The following SOX6 variants were observed in gnomAD, a reference collection of about 807,000 sequenced individuals.
The protein encoded by SOX6 is transcription factor SOX-6.
Under a neutral mutation model 97.8 loss-of-function variants are expected in SOX6, and 11 were observed. The ratio of observed to expected loss-of-function variants is 0.11; its 90% CI spans 0.07 to 0.19. The LOEUF is 0.19. SOX6 is among the 10% of genes least tolerant of loss of function. The pLI is 1.00. For missense variants in SOX6, 810 were observed against 1,039.5 expected, an observed-to-expected ratio of 0.78 and a Z score of 3.04; for synonymous variants, 360 against 371.4, an observed-to-expected ratio of 0.97 and a Z score of 0.35.
intron 4 of SOX6, among the ~76,000 whole-genome samples, chr11:16,560,408 T>C: frequency 6.7e-6 from 1 of 150,214 alleles, no homozygotes; most frequent in East Asian, 1.9e-4. Context: ...TGTAAATATA[T>C]ACATATATAC....
chr11:16,738,433 A>G (rs1590070687), exon 1 of SOX6: 1 of 390,570 alleles, frequency 2.6e-6, no homozygotes, highest in African/African-American at 2.0e-5. Context: ...ACCGCCATAC[A>G]CATCCGCGGG....
intron 3 of SOX6, among the ~76,000 whole-genome samples, chr11:16,254,988 AG>A (rs1199939170): frequency 2.0e-5 from 3 of 152,118 alleles, no homozygotes; most frequent in African/African-American, 7.2e-5. Context: ...AATAAGACAA[AG>A]CAGACTTCAG....
At chr11:15,984,971 TAC>T (rs1176849319) in intron 15 of SOX6, among the ~76,000 whole-genome samples, 2 of 152,220 alleles carry the variant, frequency 1.3e-5, no homozygotes, top group Non-Finnish European at 2.9e-5. Flanking sequence ...CATTTCATTT[TAC>T]ACATGAGAAA....
intron 4 of SOX6, among the ~76,000 whole-genome samples, chr11:16,497,638 GA>G: frequency 6.6e-6 from 1 of 152,328 alleles, no homozygotes; most frequent in Middle Eastern, 3.4e-3. Context: ...TGACAGAGCT[GA>G]AAACCACGGC....
chr11:16,099,026 T>C (rs992040784), intron 7 of SOX6, among the ~76,000 whole-genome samples: 1 of 151,790 alleles, frequency 6.6e-6, no homozygotes, highest in Admixed American at 6.6e-5. Flanking sequence ...ACAGTCTCTT[T>C]GCATCATATC....
rs1362113996 is a variant in SOX6 at position 15,970,755 on chromosome 11, A to C, written c.*2054T>G. ...TTGCTATTAGGCCTTGAGCACTCTT[A>C]AATAAATACAAAGGTACACTATTTT... On this transcript the variant is annotated 3_prime_UTR_variant, in exon 16 of 16. Transcript: ENST00000683767. 6.6e-6 allele frequency: 1 copy of C among 152,658 alleles called. No individual in the cohort carries two copies. Among genetic ancestry groups the C allele is most frequent in the African/African-American group, 2.4e-5 (1 of 41,448 alleles). The allele number at this position is 152,658 out of a possible 1,614,324, so 9.5% of individuals were successfully genotyped here. A position where few individuals can be genotyped will look rare whatever the true frequency, so the allele number is the denominator to read the frequency against.
intron 4 of SOX6, among the ~76,000 whole-genome samples, chr11:16,516,011 G>A (rs1345392682): frequency 6.6e-6 from 1 of 151,948 alleles, no homozygotes; most frequent in Non-Finnish European, 1.5e-5. Context: ...TTTTGGCTTT[G>A]GATTGACTTG....
chr11:16,491,736 G>GA (rs1860512829), intron 4 of SOX6, among the ~76,000 whole-genome samples: 1 of 152,006 alleles, frequency 6.6e-6, no homozygotes, highest in Non-Finnish European at 1.5e-5. Context: ...AGAGAGCACA[G>GA]AAAAAGGAAT....
chr11:16,672,870 T>A (rs1180902644), intron 3 of SOX6, among the ~76,000 whole-genome samples: 1 of 151,600 alleles, frequency 6.6e-6, no homozygotes, highest in Non-Finnish European at 1.5e-5. Flanking sequence ...AAAGCAGGGG[T>A]TGCAATCCTA....
intron 4 of SOX6, among the ~76,000 whole-genome samples, chr11:16,552,800 G>C (rs1440386487): frequency 3.1e-4 from 47 of 152,100 alleles, no homozygotes; most frequent in Admixed American, 3.1e-3. Flanking sequence ...GATTATCTGT[G>C]CCATAAACAA....
At chr11:16,514,663 A>C (rs1413043055) in intron 4 of SOX6, among the ~76,000 whole-genome samples, 1 of 150,402 alleles carries the variant, frequency 6.6e-6, no homozygotes, top group African/African-American at 2.4e-5. Flanking sequence ...GTCATCTAGC[A>C]TTAGGTATAT....
At chr11:16,088,927 G>A (rs1474943355) in intron 9 of SOX6, among the ~76,000 whole-genome samples, 1 of 152,024 alleles carries the variant, frequency 6.6e-6, no homozygotes. Flanking sequence ...ATTTACTTTT[G>A]TTTTAGTTCA....
At chr11:16,267,198 G>A (rs10766316) in intron 3 of SOX6, among the ~76,000 whole-genome samples, 148,145 of 151,510 alleles carry the variant, frequency 0.98, 72,497 homozygotes, top group Middle Eastern at 1. Flanking sequence ...ATGGGATTAC[G>A]TTAAAATTAA....
intron 1 of SOX6, among the ~76,000 whole-genome samples, chr11:16,381,855 A>C (rs900669326): frequency 6.6e-6 from 1 of 151,810 alleles, no homozygotes; most frequent in Admixed American, 6.6e-5. Context: ...CCAAAGTTTT[A>C]AAAATAAATG....
At chr11:16,570,698 C>G (rs1011399935) in intron 4 of SOX6, among the ~76,000 whole-genome samples, 1 of 152,178 alleles carries the variant, frequency 6.6e-6, no homozygotes. Flanking sequence ...CTGATACCTT[C>G]CTTCATCATA....
At chr11:16,241,705 C>T (rs1232236378) in intron 3 of SOX6, among the ~76,000 whole-genome samples, 1 of 151,918 alleles carries the variant, frequency 6.6e-6, no homozygotes, top group Non-Finnish European at 1.5e-5. Context: ...ATCAGAATTA[C>T]TTGCTGGAAC....
chr11:16,607,191 G>A lies in SOX6; in HGVS notation n.609+4890C>T, dbSNP rs977790683. 1 of 152,738 alleles carries A rather than the reference G, an allele frequency of 6.5e-6. No homozygotes were observed. 9.5% of individuals were successfully genotyped at this position (152,738 alleles called of 1,614,324 possible). On this transcript the variant is annotated intron_variant and non_coding_transcript_variant, in intron 4 of 5. Transcript: ENST00000524520. This position sits in a 1 kb window ranked among gnomAD's most constrained non-coding sequence, Gnocchi z 6.5. ...ACAGAAACTAACCCTGGAGTGCCCG[G>A]AAGGGCAGGAGCGGAAGACGCCGGG...
At chr11:16,452,645 C>T (rs1282933975) in intron 1 of SOX6, among the ~76,000 whole-genome samples, 1 of 152,114 alleles carries the variant, frequency 6.6e-6, no homozygotes. Flanking sequence ...CAATGTGCTG[C>T]TATGGCCTGT....
chr11:16,437,282 T>TAAA (rs201915779), intron 1 of SOX6, among the ~76,000 whole-genome samples: 7 of 136,596 alleles, frequency 5.1e-5, no homozygotes, highest in Non-Finnish European at 9.5e-5. Context: ...TTTTTTTTTT[T>TAAA]AAAAAAAAGG....
Sources: gnomAD v4.1 joint callset for allele counts (sites outside exome capture counted in the v4.1 genomes callset) on GRCh38, gnomAD v4.1.1 for gene constraint, Gnocchi (gnomAD v3.1) non-coding constraint, MANE v1.5 for transcripts, NCBI Gene and HGNC (gene_info 2026-07-23, HGNC 2026-07-21) for gene names.